KLHL29: variants seen among roughly 807,000 people sequenced by gnomAD.
KLHL29 encodes kelch like family member 29, also known as kelch-like protein 29.
A neutral mutation model predicts 80.4 loss-of-function variants in KLHL29; 21 were observed. The observed-to-expected ratio is 0.26, with a 90% CI of 0.19 to 0.38. KLHL29 has a LOEUF of 0.38. Among genes scored for constraint, KLHL29 ranks in the 10% least tolerant of loss-of-function variants. The pLI is 1.00. For missense variants in KLHL29, 867 were observed against 1,223.9 expected, an observed-to-expected ratio of 0.71 and a Z score of 4.35; for synonymous variants, 511 against 526.8, an observed-to-expected ratio of 0.97 and a Z score of 0.41.
chr2:23,423,592 G>A (rs1181524651), intron 1 of KLHL29, among the ~76,000 whole-genome samples: 2 of 152,188 alleles, frequency 1.3e-5, no homozygotes, highest in Admixed American at 6.5e-5. Flanking sequence ...ATTCCCCTAC[G>A]ACTTGGCGGG....
At chr2:23,580,706 C>T (rs1365997825) in intron 3 of KLHL29, among the ~76,000 whole-genome samples, 7 of 76,584 alleles carry the variant, frequency 9.1e-5, no homozygotes, top group Admixed American at 8.4e-4. Context: ...AGGCCAGGCG[C>T]GGTGGCTCAC....
At chr2:23,629,020 G>A (rs981802925) in intron 3 of KLHL29, among the ~76,000 whole-genome samples, 7 of 152,244 alleles carry the variant, frequency 4.6e-5, no homozygotes, top group South Asian at 2.1e-4. Context: ...GAGGGTCACC[G>A]TGCTCAGGAG....
At chr2:23,397,822 G>A (rs1016531314) in intron 1 of KLHL29, among the ~76,000 whole-genome samples, 5 of 152,214 alleles carry the variant, frequency 3.3e-5, no homozygotes. Flanking sequence ...CACCTCTCCA[G>A]AGAAGGTATA....
chr2:23,435,114 T>TGG lies in KLHL29; in HGVS notation c.-153-40443_-153-40442dup, dbSNP rs1284528455. The stretch of plus-strand genomic sequence containing the variant: ...GGGGGTGAGGAGGATGTGAATTCAC[T>TGG]GGGGAAAGCACCTTAAAAGTGGCAA... On this transcript the variant is annotated intron_variant, in intron 1 of 13. Coordinates refer to ENST00000486442, the MANE Select transcript of KLHL29 (RefSeq NM_052920.2). 5.3e-5 allele frequency among the ~76,000 whole-genome samples: 8 copies of TGG among 152,228 alleles called. 1 individual carries two copies. The East Asian group carries it at 9.7e-4, about 18-fold the overall frequency.
intron 2 of KLHL29, among the ~76,000 whole-genome samples, chr2:23,537,376 T>C (rs1666702500): frequency 8.0e-6 from 1 of 125,344 alleles, no homozygotes; most frequent in Non-Finnish European, 1.8e-5. Flanking sequence ...GAGTAACTTC[T>C]AGTTGAGTTT....
chr2:23,532,679 G>C, intron 2 of KLHL29: 1 of 456,512 alleles, frequency 2.2e-6, no homozygotes, highest in South Asian at 1.5e-5. Context: ...CTAGAGGCCT[G>C]TGGTTTGGGG....
chr2:23,388,841 G>A (rs1454898945), intron 1 of KLHL29, among the ~76,000 whole-genome samples: 1 of 150,372 alleles, frequency 6.7e-6, no homozygotes, highest in African/African-American at 2.5e-5. Flanking sequence ...TGTGTACATG[G>A]GTTTTTTTTT....
chr2:23,472,507 G>A (rs553130517), intron 1 of KLHL29, among the ~76,000 whole-genome samples: 7 of 152,340 alleles, frequency 4.6e-5, no homozygotes, highest in Admixed American at 1.3e-4. Flanking sequence ...GGCGGCGTGT[G>A]CCTGTAGTCC....
intron 2 of KLHL29, among the ~76,000 whole-genome samples, chr2:23,497,803 C>G (rs764887383): frequency 6.6e-6 from 1 of 152,066 alleles, no homozygotes; most frequent in Non-Finnish European, 1.5e-5. Context: ...CTGGAGGTGT[C>G]GAGTGGGCCT....
intron 5 of KLHL29, among the ~76,000 whole-genome samples, chr2:23,665,564 T>C (rs1310504462): frequency 6.6e-6 from 1 of 152,166 alleles, no homozygotes; most frequent in East Asian, 1.9e-4. Flanking sequence ...GACCTAAGGC[T>C]GGGTAATTTA....
intron 2 of KLHL29, among the ~76,000 whole-genome samples, chr2:23,514,049 A>G (rs1665854115): frequency 6.6e-6 from 1 of 152,224 alleles, no homozygotes; most frequent in Admixed American, 6.5e-5. Flanking sequence ...AATAAGTGGT[A>G]TCTGATTGCT....
At chr2:23,583,333 G>T (rs149029471) in intron 3 of KLHL29, among the ~76,000 whole-genome samples, 1 of 152,330 alleles carries the variant, frequency 6.6e-6, no homozygotes, top group Non-Finnish European at 1.5e-5. Flanking sequence ...TGCAAAACAT[G>T]CTCTTGATGC....
At chr2:23,440,638 A>G in intron 1 of KLHL29, among the ~76,000 whole-genome samples, 1 of 136,878 alleles carries the variant, frequency 7.3e-6, no homozygotes, top group African/African-American at 2.8e-5. Context: ...ACAAGAAAAA[A>G]ACAAACAACC....
intron 1 of KLHL29, among the ~76,000 whole-genome samples, chr2:23,386,436 A>T (rs1666184686): frequency 6.6e-6 from 1 of 152,150 alleles, no homozygotes; most frequent in East Asian, 1.9e-4. Context: ...CCCGACACAC[A>T]CACGCACACT....
intron 5 of KLHL29, among the ~76,000 whole-genome samples, chr2:23,657,373 T>C (rs192620298): frequency 2.6e-4 from 39 of 152,340 alleles, no homozygotes; most frequent in African/African-American, 8.7e-4. Context: ...ACTGTTCTTA[T>C]TGATTTATTT....
At chr2:23,628,763 C>T (rs1310679988) in intron 3 of KLHL29, among the ~76,000 whole-genome samples, 2 of 152,198 alleles carry the variant, frequency 1.3e-5, no homozygotes, top group East Asian at 1.9e-4. Flanking sequence ...CGGCCCATAG[C>T]CCTGTACAGG....
intron 5 of KLHL29, among the ~76,000 whole-genome samples, chr2:23,649,724 G>C (rs965164868): frequency 1.2e-4 from 18 of 152,250 alleles, no homozygotes; most frequent in Non-Finnish European, 2.5e-4. Flanking sequence ...GCTGCCGATG[G>C]GGATGAGAGG....
chr2:23,491,610 C>A (rs1282970896), intron 2 of KLHL29, among the ~76,000 whole-genome samples: 1 of 152,124 alleles, frequency 6.6e-6, no homozygotes, highest in Non-Finnish European at 1.5e-5. Context: ...CCCCTTTCAT[C>A]CCTGTCCCAG....
intron 4 of KLHL29, among the ~76,000 whole-genome samples, chr2:23,641,963 A>G (rs1444427236): frequency 6.6e-6 from 1 of 152,148 alleles, no homozygotes; most frequent in African/African-American, 2.4e-5. Flanking sequence ...CAGCCTGGGT[A>G]ACAGAGTGAG....
Sources: allele counts gnomAD v4.1 joint callset (sites outside exome capture counted in the v4.1 genomes callset), GRCh38; gene constraint gnomAD v4.1.1; transcripts MANE v1.5; gene names NCBI Gene and HGNC (gene_info 2026-07-23, HGNC 2026-07-21).